The following STOX1 variants were observed in gnomAD, a reference collection of about 807,000 sequenced individuals.
STOX1 encodes storkhead box 1, also known as storkhead-box protein 1.
STOX1 carries 57 observed loss-of-function variants against 74.8 expected under a neutral mutation model. The observed-to-expected ratio is 0.76, with a 90% CI of 0.62 to 0.95. The LOEUF is 0.95. Ranked by LOEUF, STOX1 falls within the 40% of genes least tolerant of loss-of-function variation. The pLI is 0.00. For synonymous variants in STOX1, 375 were observed against 401.3 expected, an observed-to-expected ratio of 0.93 and a Z score of 0.78; for missense variants, 1,010 against 1,117.0, an observed-to-expected ratio of 0.90 and a Z score of 1.37.
intron 1 of STOX1, among the ~76,000 whole-genome samples, chr10:68,829,177 T>TAAA (rs1384640616): frequency 2.0e-5 from 3 of 152,200 alleles, no homozygotes; most frequent in Non-Finnish European, 2.9e-5. Flanking sequence ...GAGTCGCAAA[T>TAAA]AAAAAACATT....
rs779338907 is a variant in STOX1, at chr10:68,885,569, G to C, written c.1773G>C (p.Leu591Phe). The C allele has an allele frequency of 6.2e-7, 1 of 1,614,188 alleles. No individual in the cohort carries two copies. The highest frequency in any genetic ancestry group is 1.3e-5 in the African/African-American group (1 of 75,046). ...TCAGTCACCCTCAACAGAGCATGTT[G>C]CAAAATGATGGTAAATGCTGTCCCT... ...HLFSHPQQSMLQNDGKCCPFM... is the reference protein window; with the variant it reads ...HLFSHPQQSMFQNDGKCCPFM... Residue 591 changes from leucine (L) to phenylalanine (F), a missense_variant, in exon 3 of 4, where the codon TTG (leucine) becomes TTC (phenylalanine). Coordinates refer to ENST00000298596, the MANE Select transcript of STOX1 (RefSeq NM_152709.5).
intron 1 of STOX1, among the ~76,000 whole-genome samples, chr10:68,833,186 A>G (rs1021228569): frequency 6.6e-6 from 1 of 150,688 alleles, no homozygotes; most frequent in Non-Finnish European, 1.5e-5. Flanking sequence ...CCCAGGTTCA[A>G]GGGATTCTCC....
intron 1 of STOX1, among the ~76,000 whole-genome samples, chr10:68,867,520 T>C (rs1149684): frequency 0.93 from 142,129 of 152,256 alleles, 66,423 homozygotes; most frequent in East Asian, 0.99. Flanking sequence ...CAGTGTCCTC[T>C]GGAAAAGAAA....
intron 1 of STOX1, among the ~76,000 whole-genome samples, chr10:68,860,978 G>A (rs1355326465): frequency 6.6e-6 from 1 of 152,104 alleles, no homozygotes; most frequent in Non-Finnish European, 1.5e-5. Flanking sequence ...GGAGCCCAAG[G>A]TGGGCAGATC....
Position 68,842,255 on chromosome 10 carries a change from G to A in STOX1, c.310+14322G>A, listed in dbSNP as rs114608124. Among the ~76,000 whole-genome samples, 437 of 152,234 alleles carry A rather than the reference G, an allele frequency of 2.9e-3. 6 individuals carry two copies. Among genetic ancestry groups the A allele is most frequent in the African/African-American group, 9.9e-3 (410 of 41,536 alleles). ...GTTTGGACATCCCATAGGTTCATAG[G>A]TTTCATAGATCAGAGGGCTTTCAGA... On this transcript the variant is annotated intron_variant, in intron 1 of 3. Transcript: ENST00000298596.
At chr10:68,869,445 A>G (rs1235080902) in intron 1 of STOX1, among the ~76,000 whole-genome samples, 1 of 152,186 alleles carries the variant, frequency 6.6e-6, no homozygotes, top group Non-Finnish European at 1.5e-5. Flanking sequence ...GAAGGAGAAT[A>G]TATTTCCAGC....
At chr10:68,886,964 C>G (rs550156731) in intron 3 of STOX1, among the ~76,000 whole-genome samples, 1 of 151,972 alleles carries the variant, frequency 6.6e-6, no homozygotes, top group South Asian at 2.1e-4. Flanking sequence ...AGCCACAGTT[C>G]TACAGGAATT....
At chr10:68,880,005 T>C (rs905047835) in intron 1 of STOX1, among the ~76,000 whole-genome samples, 3 of 152,162 alleles carry the variant, frequency 2.0e-5, no homozygotes, top group African/African-American at 7.2e-5. Context: ...TTGTTCATCC[T>C]ATATATATCT....
rs185479548 is a variant in STOX1, at chr10:68,853,279, G to A, written c.310+25346G>A. On this transcript the variant is annotated intron_variant, in intron 1 of 3. Transcript: ENST00000298596. Reference sequence around the variant, plus strand: ...TGCTAGGACCCAATCCGCTGGGTTCGCCTTAAGCAGCACTTATTCAGCTAT... The same window carrying A: ...TGCTAGGACCCAATCCGCTGGGTTCACCTTAAGCAGCACTTATTCAGCTAT... 3.9e-5 allele frequency among the ~76,000 whole-genome samples: 6 copies of A among 152,196 alleles called. 1 individual carries two copies. Among genetic ancestry groups the A allele is most frequent in the Admixed American group, 6.5e-5 (1 of 15,284 alleles).
At chr10:68,832,318 A>G (rs913482916) in intron 1 of STOX1, among the ~76,000 whole-genome samples, 1 of 152,180 alleles carries the variant, frequency 6.6e-6, no homozygotes, top group African/African-American at 2.4e-5. Flanking sequence ...TCTGAAATTT[A>G]TAGCTGGGGT....
chr10:68,892,527 C>G, intron 3 of STOX1, 62 bp from the exon 4 acceptor site: 1 of 1,480,328 alleles, frequency 6.8e-7, no homozygotes, highest in Non-Finnish European at 9.4e-7. Context: ...AAGTATAATG[C>G]CTTGGTTAGA....
chr10:68,890,363 A>G (rs1194040704), intron 3 of STOX1, among the ~76,000 whole-genome samples: 3 of 151,640 alleles, frequency 2.0e-5, no homozygotes, highest in Admixed American at 6.6e-5. Context: ...AGGTCTCACT[A>G]TGTTGTCCAG....
intron 1 of STOX1, among the ~76,000 whole-genome samples, chr10:68,880,900 G>A (rs1481165090): frequency 1.3e-5 from 2 of 152,066 alleles, no homozygotes; most frequent in Non-Finnish European, 2.9e-5. Flanking sequence ...TACCATGTTG[G>A]CCAGGCTGGT....
In STOX1 at chr10:68,885,421, T is replaced by G. The variant is rs748648803; in HGVS notation, c.1625T>G (p.Ile542Ser). The stretch of plus-strand genomic sequence containing the variant: ...CCTAGGTCCTTGGATTCCTCAAGAA[T>G]CTTTGATGGTAAAGCCAAAGAGCCA... ...QKPRSLDSSR[I>S]FDGKAKEPYA... Residue 542 changes from isoleucine (I) to serine (S), a missense_variant, in exon 3 of 4, where the codon ATC becomes AGC. Coordinates refer to ENST00000298596, the MANE Select transcript of STOX1 (RefSeq NM_152709.5). 1 of 1,614,110 alleles carries G rather than the reference T, an allele frequency of 6.2e-7. No individual in the cohort carries two copies. The highest frequency in any genetic ancestry group is 1.1e-5 in the South Asian group (1 of 91,088).
rs5785875 is a variant in STOX1, at chr10:68,873,257, A to ATTTTTTT, written c.311-8686_311-8680dup. On this transcript the variant is annotated intron_variant, in intron 1 of 3. Coordinates refer to ENST00000298596, the MANE Select transcript of STOX1 (RefSeq NM_152709.5). ...TAGGGGCCTGTGCCCAAACAAGAGC[A>ATTTTTTT]TTTTTTTTTTTTTTTTTTTTTGAGA... Among the ~76,000 whole-genome samples, 29 of 105,284 alleles carry ATTTTTTT rather than the reference A, an allele frequency of 2.8e-4. 2 individuals carry two copies. Among genetic ancestry groups the ATTTTTTT allele is most frequent in the East Asian group, 5.9e-4 (2 of 3,378 alleles). The allele number at this position is 105,284 out of a possible 152,430, so 69.1% of individuals were successfully genotyped here.
At chr10:68,831,049 C>G (rs781540232) in intron 1 of STOX1, among the ~76,000 whole-genome samples, 23 of 152,152 alleles carry the variant, frequency 1.5e-4, no homozygotes, top group Non-Finnish European at 2.9e-4. Flanking sequence ...GCACTGACTT[C>G]CAGGAGGGCG....
At chr10:68,860,811 G>A (rs188995760) in intron 1 of STOX1, among the ~76,000 whole-genome samples, 1 of 152,142 alleles carries the variant, frequency 6.6e-6, no homozygotes, top group East Asian at 1.9e-4. Flanking sequence ...AAATGAAGTA[G>A]GGCTAGTAGA....
At chr10:68,873,704 T>C (rs1840604642) in intron 1 of STOX1, among the ~76,000 whole-genome samples, 1 of 147,064 alleles carries the variant, frequency 6.8e-6, no homozygotes, top group South Asian at 2.2e-4. Flanking sequence ...TCGCCCAGGC[T>C]GGAGTGCAGT....
chr10:68,870,071 T>A (rs1396289891), intron 1 of STOX1, among the ~76,000 whole-genome samples: 1 of 151,736 alleles, frequency 6.6e-6, no homozygotes, highest in East Asian at 1.9e-4. Context: ...AGGACAGCTT[T>A]AAAAAAAAAT....
Sources: gnomAD v4.1 joint callset for allele counts (sites outside exome capture counted in the v4.1 genomes callset) on GRCh38, gnomAD v4.1.1 for gene constraint, MANE v1.5 for transcripts, NCBI Gene and HGNC (gene_info 2026-07-23, HGNC 2026-07-21) for gene names.